The following OPCML variants were observed in gnomAD, a reference collection of about 807,000 sequenced individuals.
OPCML encodes the protein opioid-binding protein/cell adhesion molecule.
A neutral mutation model predicts 37.8 loss-of-function variants in OPCML; 13 were observed. The observed-to-expected ratio is 0.34, with a 90% CI of 0.22 to 0.55. The LOEUF (loss-of-function observed/expected upper bound fraction) is 0.55, where lower values mean the gene tolerates loss of function less well. Among genes scored for constraint, OPCML ranks in the 20% least tolerant of loss-of-function variants. The pLI, the probability that OPCML is intolerant of heterozygous loss-of-function variation, is 0.91. For missense variants in OPCML, 341 were observed against 435.6 expected, an observed-to-expected ratio of 0.78 and a Z score of 1.93; for synonymous variants, 176 against 168.8, an observed-to-expected ratio of 1.04 and a Z score of -0.33.
intron 1 of OPCML, among the ~76,000 whole-genome samples, chr11:133,222,724 A>G (rs551506462): frequency 6.6e-6 from 1 of 152,258 alleles, no homozygotes; most frequent in African/African-American, 2.4e-5. Flanking sequence ...GGACATTTGC[A>G]TCAGCAATTT....
chr11:133,468,436 A>C (rs1189356352), intron 1 of OPCML, among the ~76,000 whole-genome samples: 1 of 152,170 alleles, frequency 6.6e-6, no homozygotes, highest in Non-Finnish European at 1.5e-5. Context: ...GCCCAGGGAG[A>C]CTGTGACTGC....
At chr11:133,199,487 G>A (rs1006946873) in intron 1 of OPCML, among the ~76,000 whole-genome samples, 1 of 152,290 alleles carries the variant, frequency 6.6e-6, no homozygotes, top group Middle Eastern at 3.4e-3. Flanking sequence ...TGACAGAGAG[G>A]CAGGGGAACA....
chr11:133,245,073 C>A (rs998195538), intron 1 of OPCML, among the ~76,000 whole-genome samples: 10 of 152,148 alleles, frequency 6.6e-5, no homozygotes, highest in African/African-American at 2.4e-4. Flanking sequence ...TGGGTTGATT[C>A]TACTGTGAGT....
intron 2 of OPCML, among the ~76,000 whole-genome samples, chr11:132,740,036 TC>T (rs1021580912): frequency 6.6e-5 from 10 of 152,304 alleles, no homozygotes; most frequent in African/African-American, 2.2e-4. Context: ...TATAACTTGA[TC>T]AGTATTTGAA....
chr11:132,876,800 A>G (rs1162666540), intron 2 of OPCML, among the ~76,000 whole-genome samples: 1 of 152,298 alleles, frequency 6.6e-6, no homozygotes, highest in East Asian at 1.9e-4. Context: ...TCAGAACACA[A>G]TGCCATCAGG....
intron 1 of OPCML, among the ~76,000 whole-genome samples, chr11:133,229,306 G>C (rs2136382449): frequency 6.6e-6 from 1 of 152,224 alleles, no homozygotes; most frequent in East Asian, 1.9e-4. Flanking sequence ...GGTTTGGCAT[G>C]GTCTGAAAAT....
At position 133,299,193 on chromosome 11, in the gene OPCML, G is replaced by T. The variant is rs1942717716; in HGVS notation, c.61+233071C>A. ...GCTGTTTCTACCTGGGTGATGGCAAGGTTGTTCATTGTAACACTCCATGAA... is the reference window on the plus strand; with the variant it reads ...GCTGTTTCTACCTGGGTGATGGCAATGTTGTTCATTGTAACACTCCATGAA... On this transcript the variant is annotated intron_variant, in intron 1 of 7. Transcript: ENST00000524381. 3.3e-5 allele frequency: 5 copies of T among 152,330 alleles called. No individual in the cohort carries two copies. The South Asian group carries it at 8.3e-4, about 25-fold the overall frequency. The allele number at this position is 152,330 out of a possible 1,614,324, so 9.4% of individuals were successfully genotyped here.
chr11:133,344,988 C>T (rs1943962349), intron 1 of OPCML, among the ~76,000 whole-genome samples: 1 of 152,168 alleles, frequency 6.6e-6, no homozygotes, highest in African/African-American at 2.4e-5. Context: ...TGATTACAGC[C>T]TTAGGCTCTT....
intron 2 of OPCML, among the ~76,000 whole-genome samples, chr11:132,663,662 T>C (rs548432309): frequency 6.6e-6 from 1 of 152,316 alleles, no homozygotes; most frequent in South Asian, 2.1e-4. Context: ...CTGAATGATA[T>C]GGGCTCCACT....
intron 1 of OPCML, among the ~76,000 whole-genome samples, chr11:133,160,906 T>A (rs1401860347): frequency 6.6e-6 from 1 of 152,198 alleles, no homozygotes; most frequent in Non-Finnish European, 1.5e-5. Flanking sequence ...GAGCACCACG[T>A]GGCTGCTTAC....
At chr11:133,391,499 C>T in intron 1 of OPCML, among the ~76,000 whole-genome samples, 1 of 152,160 alleles carries the variant, frequency 6.6e-6, no homozygotes, top group South Asian at 2.1e-4. Flanking sequence ...AGCTCCCCAA[C>T]CCCCAGTTCC....
chr11:132,941,934 TC>T (rs1304384393), intron 2 of OPCML, among the ~76,000 whole-genome samples: 4 of 152,126 alleles, frequency 2.6e-5, no homozygotes, highest in African/African-American at 9.7e-5. Context: ...CGTCACACTG[TC>T]CTAGGGGAAG....
At chr11:132,974,555 GA>G (rs1247574939) in intron 1 of OPCML, among the ~76,000 whole-genome samples, 1 of 152,192 alleles carries the variant, frequency 6.6e-6, no homozygotes, top group Non-Finnish European at 1.5e-5. Flanking sequence ...CTGTTGGTGG[GA>G]GTGTAAATTA....
chr11:132,893,596 C>A (rs138794112), intron 2 of OPCML, among the ~76,000 whole-genome samples: 1 of 152,302 alleles, frequency 6.6e-6, no homozygotes, highest in African/African-American at 2.4e-5. Flanking sequence ...AGAAAGAAGC[C>A]ACTAATGTCT....
intron 1 of OPCML, among the ~76,000 whole-genome samples, chr11:133,522,223 C>A (rs367746358): frequency 6.6e-6 from 1 of 152,196 alleles, no homozygotes. Context: ...TATAGATTTT[C>A]TCTTGGCTTA....
chr11:132,893,989 T>C (rs1279372386), intron 2 of OPCML, among the ~76,000 whole-genome samples: 1 of 152,146 alleles, frequency 6.6e-6, no homozygotes, highest in Non-Finnish European at 1.5e-5. Flanking sequence ...CACAAGCACA[T>C]GCCACACCAC....
intron 3 of OPCML, among the ~76,000 whole-genome samples, chr11:132,579,699 G>A (rs1383250867): frequency 6.6e-6 from 1 of 152,112 alleles, no homozygotes; most frequent in Non-Finnish European, 1.5e-5. Flanking sequence ...ATGGGGACAA[G>A]TTGTTCTGAG....
chr11:132,585,686 C>G (rs950396884), intron 3 of OPCML, among the ~76,000 whole-genome samples: 1 of 152,164 alleles, frequency 6.6e-6, no homozygotes, highest in Admixed American at 6.5e-5. Flanking sequence ...ACATGATGTA[C>G]TTAGAGCCAA....
chr11:133,273,521 T>C (rs369104644), intron 1 of OPCML, among the ~76,000 whole-genome samples: 17 of 152,248 alleles, frequency 1.1e-4, no homozygotes, highest in Admixed American at 1.1e-3. Context: ...GGGCCCATTA[T>C]GTTCTTTCTC....
Sources: gnomAD v4.1 joint callset for allele counts (sites outside exome capture counted in the v4.1 genomes callset) on GRCh38, gnomAD v4.1.1 for gene constraint, MANE v1.5 for transcripts, NCBI Gene and HGNC (gene_info 2026-07-23, HGNC 2026-07-21) for gene names.